SLC2A9: variants seen among roughly 807,000 people sequenced by gnomAD.
SLC2A9 encodes solute carrier family 2 member 9.
Under a neutral mutation model 50.6 loss-of-function variants are expected in SLC2A9, and 39 were observed. The ratio of observed to expected loss-of-function variants is 0.77; its 90% CI spans 0.60 to 1.01. The LOEUF (loss-of-function observed/expected upper bound fraction) is 1.01. SLC2A9 is among the 50% of genes least tolerant of loss of function. The probability of loss-of-function intolerance (pLI) is 0.00; values close to 1 mark genes in which losing one functional copy is unlikely to be tolerated. For missense variants in SLC2A9, 686 were observed against 677.6 expected, an observed-to-expected ratio of 1.01 and a Z score of -0.14; for synonymous variants, 324 against 276.9, an observed-to-expected ratio of 1.17 and a Z score of -1.69.
intron 7 of SLC2A9, among the ~76,000 whole-genome samples, chr4:9,914,083 T>C (rs778496734): frequency 5.3e-5 from 8 of 152,212 alleles, no homozygotes; most frequent in Non-Finnish European, 1.0e-4. Context: ...GACCCAGCTA[T>C]GAGTGGCAGA....
At chr4:10,008,508 G>A (rs183821554) in intron 2 of SLC2A9, among the ~76,000 whole-genome samples, 40 of 152,318 alleles carry the variant, frequency 2.6e-4, no homozygotes, top group African/African-American at 9.4e-4. Flanking sequence ...AGGAAGATAG[G>A]ACATCACAGG....
intron 3 of SLC2A9, among the ~76,000 whole-genome samples, chr4:9,820,004 A>G: frequency 6.6e-6 from 1 of 152,246 alleles, no homozygotes; most frequent in East Asian, 1.9e-4. Flanking sequence ...ATGAAGTATA[A>G]TTTACCGAAT....
chr4:9,858,572 G>A (rs1467365687), intron 10 of SLC2A9, among the ~76,000 whole-genome samples: 2 of 152,166 alleles, frequency 1.3e-5, no homozygotes, highest in Non-Finnish European at 2.9e-5. Flanking sequence ...GAGTGTAAGG[G>A]GGGATGGTAT....
intron 1 of SLC2A9, chr4:10,019,415 A>G (rs1763222257): frequency 2.6e-6 from 1 of 391,948 alleles, no homozygotes; most frequent in African/African-American, 2.0e-5. Context: ...CCAGACAGAA[A>G]AAAGCAAAGC....
chr4:9,861,644 G>T (rs573450631), intron 10 of SLC2A9, among the ~76,000 whole-genome samples: 4 of 152,170 alleles, frequency 2.6e-5, no homozygotes, highest in Admixed American at 1.3e-4. Context: ...GGCTCCTCTT[G>T]GCATATGGGG....
chr4:9,837,020 G>A (rs1029020868), intron 10 of SLC2A9, among the ~76,000 whole-genome samples: 7 of 152,046 alleles, frequency 4.6e-5, no homozygotes, highest in South Asian at 2.1e-4. Flanking sequence ...ACCTTTCACC[G>A]TTATCACCCC....
intron 6 of SLC2A9, among the ~76,000 whole-genome samples, chr4:9,935,596 C>A (rs1021792160): frequency 6.6e-6 from 1 of 152,168 alleles, no homozygotes; most frequent in South Asian, 2.1e-4. Flanking sequence ...AACTCCTGAC[C>A]CCTGCCCAGT....
chr4:9,916,335 C>T, intron 7 of SLC2A9, among the ~76,000 whole-genome samples: 1 of 152,182 alleles, frequency 6.6e-6, no homozygotes, highest in Non-Finnish European at 1.5e-5. Flanking sequence ...ACCAATGTCA[C>T]CAGGCCCATA....
chr4:9,895,348 C>G (rs1430733235), intron 8 of SLC2A9, among the ~76,000 whole-genome samples: 1 of 152,220 alleles, frequency 6.6e-6, no homozygotes, highest in Non-Finnish European at 1.5e-5. Flanking sequence ...AATCAGTCTC[C>G]CGGCTCTGTT....
Position 9,918,019 on chromosome 4 carries a change from C to T in SLC2A9, c.1002+2366G>A, listed in dbSNP as rs149866200. On this transcript the variant is annotated intron_variant, in intron 7 of 11. Coordinates refer to ENST00000264784, the MANE Select transcript of SLC2A9 (RefSeq NM_020041.3). Reference sequence around the variant, plus strand: ...TGTGACTTTGTCTGTGCAGGCACCACCCCTGGGACCTTGGGCAATGCCTGA... The same window carrying T: ...TGTGACTTTGTCTGTGCAGGCACCATCCCTGGGACCTTGGGCAATGCCTGA... 3.7e-3 allele frequency among the ~76,000 whole-genome samples: 570 copies of T among 152,236 alleles called. 3 individuals carry two copies. Among genetic ancestry groups the T allele is most frequent in the African/African-American group, 0.012 (514 of 41,546 alleles).
At chr4:9,845,423 A>ATTTTTTTT (rs1183351674) in intron 10 of SLC2A9, among the ~76,000 whole-genome samples, 3 of 130,798 alleles carry the variant, frequency 2.3e-5, no homozygotes, top group African/African-American at 9.5e-5. Context: ...ACGATCATCA[A>ATTTTTTTT]TTTCTTTTTT....
chr4:9,782,550 T>C, intron 3 of SLC2A9: 2 of 1,613,974 alleles, frequency 1.2e-6, no homozygotes, highest in African/African-American at 1.3e-5. Context: ...ATCTCCTTCA[T>C]TCCGGTCCAG....
chr4:9,998,851 T>G (rs533563812), intron 2 of SLC2A9, among the ~76,000 whole-genome samples: 2 of 152,166 alleles, frequency 1.3e-5, no homozygotes, highest in Middle Eastern at 3.4e-3. Context: ...CAAACACACA[T>G]GGGAAAACCT....
intron 1 of SLC2A9, among the ~76,000 whole-genome samples, chr4:9,772,543 G>T (rs1037405085): frequency 6.6e-6 from 1 of 152,262 alleles, no homozygotes; most frequent in East Asian, 1.9e-4. Context: ...ACAATGAGAA[G>T]AGCAAGCTCC....
At chr4:9,809,264 G>C (rs1314950074) in intron 3 of SLC2A9, among the ~76,000 whole-genome samples, 2 of 152,082 alleles carry the variant, frequency 1.3e-5, no homozygotes, top group Non-Finnish European at 2.9e-5. Flanking sequence ...GTGTGGATCA[G>C]ATGTCCCTGG....
chr4:10,016,648 G>A (rs1762660802), intron 2 of SLC2A9, among the ~76,000 whole-genome samples: 1 of 152,002 alleles, frequency 6.6e-6, no homozygotes, highest in Non-Finnish European at 1.5e-5. Flanking sequence ...ATACCTCTAA[G>A]CTCTGGCCCC....
chr4:9,848,542 C>T (rs1405830619), intron 10 of SLC2A9, among the ~76,000 whole-genome samples: 1 of 152,066 alleles, frequency 6.6e-6, no homozygotes, highest in Admixed American at 6.5e-5. Flanking sequence ...GTTCATTGTG[C>T]TCCTCGAGGG....
intron 10 of SLC2A9, among the ~76,000 whole-genome samples, chr4:9,849,317 T>C (rs936023190): frequency 2.0e-5 from 3 of 152,192 alleles, no homozygotes; most frequent in Admixed American, 6.5e-5. Flanking sequence ...GAAACAGTAG[T>C]TCAGAACTCC....
At chr4:10,030,178 A>G (rs912170185) in intron 1 of SLC2A9, among the ~76,000 whole-genome samples, 1 of 152,192 alleles carries the variant, frequency 6.6e-6, no homozygotes, top group African/African-American at 2.4e-5. Context: ...GTTAATAATA[A>G]TGTATATTTC....
Sources: gnomAD v4.1 joint callset for allele counts (sites outside exome capture counted in the v4.1 genomes callset) on GRCh38, gnomAD v4.1.1 for gene constraint, MANE v1.5 for transcripts, NCBI Gene and HGNC (gene_info 2026-07-23, HGNC 2026-07-21) for gene names.